Variants in SLC25A12 observed in about 807,000 individuals in gnomAD.
SLC25A12 encodes the protein electrogenic aspartate/glutamate antiporter SLC25A12, mitochondrial.
SLC25A12 carries 32 observed loss-of-function variants against 83.3 expected under a neutral mutation model. The observed-to-expected ratio is 0.38, with a 90% confidence interval of 0.29 to 0.52. The LOEUF is 0.52. Ranked by LOEUF, SLC25A12 falls within the 20% of genes least tolerant of loss-of-function variation. The pLI is 0.84. For synonymous variants in SLC25A12, 267 were observed against 291.1 expected, an observed-to-expected ratio of 0.92 and a Z score of 0.84; for missense variants, 611 against 835.6, an observed-to-expected ratio of 0.73 and a Z score of 3.31.
chr2:171,832,018 A>G (rs1684442005), intron 8 of SLC25A12, among the ~76,000 whole-genome samples: 1 of 152,190 alleles, frequency 6.6e-6, no homozygotes, highest in Non-Finnish European at 1.5e-5. Flanking sequence ...TAAGAGCTAC[A>G]CCCTAGAGAT....
chr2:171,853,656 G>A (rs141008477), intron 4 of SLC25A12, among the ~76,000 whole-genome samples: 1 of 152,256 alleles, frequency 6.6e-6, no homozygotes, highest in Admixed American at 6.5e-5. Context: ...ACTCCAGCCT[G>A]GGTGACAGAG....
At chr2:171,869,605 C>T (rs1685414467) in intron 2 of SLC25A12, among the ~76,000 whole-genome samples, 1 of 152,016 alleles carries the variant, frequency 6.6e-6, no homozygotes, top group Non-Finnish European at 1.5e-5. Flanking sequence ...TTTTTTACAT[C>T]AATAATTTTT....
At position 171,834,067 on chromosome 2, in the gene SLC25A12, G is replaced by GA. The variant is rs763108216; in HGVS notation, c.752-12dup. On this transcript the variant is annotated splice_polypyrimidine_tract_variant and intron_variant, in intron 7 of 17. Transcript: ENST00000422440. ...TCTGGGCAAATTCCTCTGGAACAGAGAAAAAAAAAGTTAAAATCTTGAATG... is the reference window on the plus strand; with the variant it reads ...TCTGGGCAAATTCCTCTGGAACAGAGAAAAAAAAAAGTTAAAATCTTGAATG... The GA allele has an allele frequency of 4.5e-4, 672 of 1,479,816 alleles. No homozygotes were observed. Among genetic ancestry groups the GA allele is most frequent in the Non-Finnish European group, 5.6e-4 (598 of 1,063,534 alleles). The allele number at this position is 1,479,816 out of a possible 1,614,324, so 91.7% of individuals were successfully genotyped here.
rs200579959 is a variant in SLC25A12, at chr2:171,876,548, G to GT, written c.67-7726_67-7725insA. Among the ~76,000 whole-genome samples, 28 of 143,670 alleles carry GT rather than the reference G, an allele frequency of 1.9e-4. 1 individual carries two copies. The highest frequency in any genetic ancestry group is 6.6e-4 in the African/African-American group (26 of 39,634). 94.3% of individuals were successfully genotyped at this position (143,670 alleles called of 152,430 possible). On this transcript the variant is annotated intron_variant, in intron 2 of 17. Coordinates refer to ENST00000422440, the MANE Select transcript of SLC25A12 (RefSeq NM_003705.5). Reference sequence around the variant, plus strand: ...GGGTTTGGGTTTTTTTTTTTTGGGGGGGGGGGGACTCAAGTGATCCTCCCA... The same window carrying GT: ...GGGTTTGGGTTTTTTTTTTTTGGGGGTGGGGGGGACTCAAGTGATCCTCCCA...
At chr2:171,814,814 AAC>A (rs1684016568) in intron 10 of SLC25A12, among the ~76,000 whole-genome samples, 2 of 152,146 alleles carry the variant, frequency 1.3e-5, no homozygotes, top group South Asian at 2.1e-4. Context: ...CTGTCCCATA[AAC>A]ACAGTCTCAT....
At chr2:171,858,281 A>T (rs200506196) in intron 3 of SLC25A12, among the ~76,000 whole-genome samples, 1 of 152,336 alleles carries the variant, frequency 6.6e-6, no homozygotes, top group East Asian at 1.9e-4. Flanking sequence ...GTTAATTGAT[A>T]CAAGGATTTT....
chr2:171,799,315 G>A (rs1683662141), intron 13 of SLC25A12, among the ~76,000 whole-genome samples: 1 of 152,148 alleles, frequency 6.6e-6, no homozygotes, highest in Non-Finnish European at 1.5e-5. Flanking sequence ...AAATATATAA[G>A]GATTTTCAAC....
chr2:171,851,243 G>A (rs1441061114), intron 4 of SLC25A12, among the ~76,000 whole-genome samples: 2 of 151,692 alleles, frequency 1.3e-5, no homozygotes, highest in Middle Eastern at 3.4e-3. Context: ...ACCCAGGCTG[G>A]AGTGCAGTGG....
At chr2:171,856,415 T>C (rs957786845) in intron 3 of SLC25A12, among the ~76,000 whole-genome samples, 4 of 152,166 alleles carry the variant, frequency 2.6e-5, no homozygotes, top group African/African-American at 7.2e-5. Context: ...AAATATACCC[T>C]GGTGAGCAAA....
At position 171,791,494 on chromosome 2, in the gene SLC25A12, T is replaced by A. The variant is rs1008876759; in HGVS notation, c.1542A>T (p.Gly514=). The part of the protein sequence containing the change: ...HCKLLLADEN[G]HVGGLNLLAA... ...CAAGAAGATTTAAACCTCCCACGTG[T>A]CCATTTTCATCAGCCAGAAGTAGTT... The change falls in exon 15 of 18, where the codon GGA becomes GGT. Residue 514 remains glycine, a synonymous_variant. Coordinates refer to ENST00000422440, the MANE Select transcript of SLC25A12 (RefSeq NM_003705.5). The A allele has an allele frequency of 6.2e-7, 1 of 1,613,936 alleles. No homozygotes were observed.
chr2:171,861,412 T>C, intron 3 of SLC25A12, among the ~76,000 whole-genome samples: 1 of 152,274 alleles, frequency 6.6e-6, no homozygotes, highest in Middle Eastern at 3.4e-3. Context: ...ATTTTATTTA[T>C]TTATTTATTT....
intron 2 of SLC25A12, among the ~76,000 whole-genome samples, chr2:171,885,558 G>GCTA (rs1354417742): frequency 1.3e-5 from 2 of 151,874 alleles, no homozygotes; most frequent in Non-Finnish European, 2.9e-5. Context: ...TGTAATCCCA[G>GCTA]CTACTCAGGA....
intron 15 of SLC25A12, among the ~76,000 whole-genome samples, chr2:171,789,268 G>A (rs924874931): frequency 2.6e-5 from 4 of 151,726 alleles, no homozygotes; most frequent in South Asian, 4.2e-4. Context: ...TCACTCTGTC[G>A]CCCAGGCTGG....
chr2:171,881,748 G>A (rs1685700146), intron 2 of SLC25A12, among the ~76,000 whole-genome samples: 1 of 152,176 alleles, frequency 6.6e-6, no homozygotes, highest in South Asian at 2.1e-4. Context: ...CATACCTCTA[G>A]CACCTTGCAC....
chr2:171,844,313 G>A (rs1684746743), intron 5 of SLC25A12, 56 bp downstream of exon 5: 1 of 1,554,966 alleles, frequency 6.4e-7, no homozygotes. Context: ...TAAATACAAA[G>A]CGAAGGACAC....
At chr2:171,821,285 G>A (rs1684186781) in intron 9 of SLC25A12, among the ~76,000 whole-genome samples, 1 of 151,926 alleles carries the variant, frequency 6.6e-6, no homozygotes, top group African/African-American at 2.4e-5. Flanking sequence ...CCAAAGTGCT[G>A]GGATTACAGG....
intron 13 of SLC25A12, among the ~76,000 whole-genome samples, chr2:171,808,125 C>T (rs1238617467): frequency 1.3e-5 from 2 of 152,212 alleles, no homozygotes; most frequent in Admixed American, 6.5e-5. Flanking sequence ...AAGTCTGAAA[C>T]GAACCATGTG....
intron 13 of SLC25A12, among the ~76,000 whole-genome samples, chr2:171,805,371 A>G (rs1440169562): frequency 1.3e-5 from 2 of 152,146 alleles, no homozygotes; most frequent in Admixed American, 6.5e-5. Context: ...TCGGCCTCCC[A>G]AAGTACTGGG....
At chr2:171,826,972 G>C (rs1684315891) in intron 8 of SLC25A12, 90 bp from the exon 9 acceptor site, 1 of 750,852 alleles carries the variant, frequency 1.3e-6, no homozygotes, top group Admixed American at 2.1e-5. Flanking sequence ...ACAAAAAACA[G>C]TGAACTATAG....
Sources: gnomAD v4.1 joint callset for allele counts (sites outside exome capture counted in the v4.1 genomes callset) on GRCh38, gnomAD v4.1.1 for gene constraint, MANE v1.5 for transcripts, NCBI Gene and HGNC (gene_info 2026-07-23, HGNC 2026-07-21) for gene names.